TRIP12: variants seen among roughly 807,000 people sequenced by gnomAD.
The protein encoded by TRIP12 is thyroid hormone receptor interactor 12.
Under a neutral mutation model 244.2 loss-of-function variants are expected in TRIP12, and 25 were observed. The observed-to-expected ratio is 0.10, with a 90% confidence interval of 0.07 to 0.14. The LOEUF (loss-of-function observed/expected upper bound fraction) is 0.14. Ranked by LOEUF, TRIP12 falls within the 10% of genes least tolerant of loss-of-function variation. The pLI is 1.00. For missense variants in TRIP12, 1,677 were observed against 2,486.4 expected, an observed-to-expected ratio of 0.67 and a Z score of 6.92; for synonymous variants, 905 against 873.1, an observed-to-expected ratio of 1.04 and a Z score of -0.64.
chr2:229,846,101 G>A (rs913128255), intron 4 of TRIP12, among the ~76,000 whole-genome samples: 2 of 151,248 alleles, frequency 1.3e-5, no homozygotes, highest in Non-Finnish European at 2.9e-5. Context: ...AGACATCACT[G>A]AAATGACAAG....
intron 2 of TRIP12, among the ~76,000 whole-genome samples, chr2:229,865,621 A>G (rs567305316): frequency 8.5e-5 from 13 of 152,144 alleles, no homozygotes; most frequent in Non-Finnish European, 1.8e-4. Context: ...TTGTTTGTGT[A>G]TATGTGTATA....
In TRIP12 at chr2:229,767,185, A is replaced by G. The variant is rs1449497269; in HGVS notation, c.*369T>C. The G allele has an allele frequency of 1.1e-5, 2 of 174,442 alleles. No individual in the cohort carries two copies. Among genetic ancestry groups the G allele is most frequent in the Non-Finnish European group, 2.4e-5 (2 of 83,126 alleles). The allele number at this position is 174,442 out of a possible 1,614,324, so 10.8% of individuals were successfully genotyped here. ...TTGGAGGAAAGAAAACTGCAGACTT[A>G]GCTAGATGGATACACACAGCCCAGA... On this transcript the variant is annotated 3_prime_UTR_variant, in exon 42 of 42. Coordinates refer to ENST00000675903, the MANE Select transcript of TRIP12 (RefSeq NM_001348323.3).
chr2:229,908,112 T>C (rs974223388), intron 1 of TRIP12, among the ~76,000 whole-genome samples: 1 of 152,186 alleles, frequency 6.6e-6, no homozygotes, highest in Admixed American at 6.5e-5. Context: ...TGTGCTAAGC[T>C]ATATAAAGTA....
At chr2:229,814,704 G>T (rs911891539) in intron 11 of TRIP12, among the ~76,000 whole-genome samples, 1 of 151,984 alleles carries the variant, frequency 6.6e-6, no homozygotes, top group African/African-American at 2.4e-5. Context: ...CAAACAAAAA[G>T]GTCCGTAAGA....
chr2:229,805,599 C>T (rs192763023), intron 18 of TRIP12, 131 bp downstream of exon 18: 28 of 961,556 alleles, frequency 2.9e-5, no homozygotes, highest in Non-Finnish European at 3.8e-5. Flanking sequence ...TTTAAAAAAT[C>T]GAAAACCAAA....
At chr2:229,852,503 G>A (rs2058905217) in intron 4 of TRIP12, among the ~76,000 whole-genome samples, 1 of 151,862 alleles carries the variant, frequency 6.6e-6, no homozygotes, top group Admixed American at 6.6e-5. Context: ...TACCCTACTG[G>A]TTTTATATTT....
At position 229,779,036 on chromosome 2, in the gene TRIP12, G is replaced by A. The variant is rs59604698; in HGVS notation, c.5095-46C>T. 1.5e-3 allele frequency: 2,218 copies of A among 1,510,578 alleles called. 28 individuals carry two copies. In the African/African-American group the frequency reaches 0.027, roughly 18 times the overall value. The allele number at this position is 1,510,578 out of a possible 1,614,324, so 93.6% of individuals were successfully genotyped here. On this transcript the variant is annotated intron_variant, in intron 34 of 41. Transcript: ENST00000675903. ...AACGATTTCAAATTTTAAGAATTGT[G>A]TTTTTTTACTGCCAACCTCTTGGAA...
chr2:229,905,111 C>T (rs1230611402), intron 1 of TRIP12, among the ~76,000 whole-genome samples: 1 of 152,100 alleles, frequency 6.6e-6, no homozygotes, highest in Non-Finnish European at 1.5e-5. Flanking sequence ...CCCGTCTCTA[C>T]TAAAAATACA....
chr2:229,802,871 A>G (rs927038760), intron 20 of TRIP12, among the ~76,000 whole-genome samples: 7 of 152,072 alleles, frequency 4.6e-5, no homozygotes, highest in African/African-American at 1.7e-4. Context: ...AAAAGACAAG[A>G]TCACATTAAC....
Position 229,805,746 on chromosome 2 carries a change from T to A in TRIP12, c.2634A>T (p.Leu878Phe). Residue 878 changes from leucine to phenylalanine, a missense_variant, in exon 18 of 42, where the codon TTA becomes TTT. Physicochemically the swap from Leu to Phe is conservative, Grantham distance 22 (BLOSUM62 0). Transcript: ENST00000675903. ...TGTACTTACTAGTGTTACTATTGGCTAACGGGTTAGGTTTTCTCTGAATGG... is the reference window on the plus strand; with the variant it reads ...TGTACTTACTAGTGTTACTATTGGCAAACGGGTTAGGTTTTCTCTGAATGG... ...ARAIQRKPNP[L>F]ANSNTSGYSE... The A allele has an allele frequency of 6.3e-7, 1 of 1,598,304 alleles. No individual in the cohort carries two copies. The highest frequency in any genetic ancestry group is 8.6e-7 in the Non-Finnish European group (1 of 1,167,602).
At chr2:229,830,724 T>C in intron 7 of TRIP12, 32 bp downstream of exon 7, 1 of 1,578,768 alleles carries the variant, frequency 6.3e-7, no homozygotes, top group Non-Finnish European at 8.7e-7. Flanking sequence ...CTCATGGTAA[T>C]GGTTTCTTAT....
upstream of TRIP12, chr2:229,922,251 T>C (rs1303715986): frequency 4.1e-6 from 2 of 486,816 alleles, no homozygotes; most frequent in Non-Finnish European, 7.5e-6. Context: ...GGAGATCTAC[T>C]TGGTATCCCT....
chr2:229,894,004 A>G lies in TRIP12; in HGVS notation c.-49-13876T>C, dbSNP rs115108558. Among the ~76,000 whole-genome samples the G allele has an allele frequency of 6.0e-3, 916 of 152,176 alleles. 7 individuals are homozygous for G. Among genetic ancestry groups the G allele is most frequent in the African/African-American group, 0.021 (861 of 41,524 alleles). ...TTGGCCATCTCTGCTAAAAATACAAAAAGTGGCCAGATTGGTGCTGCATAA... is the reference window on the plus strand; with the variant it reads ...TTGGCCATCTCTGCTAAAAATACAAGAAGTGGCCAGATTGGTGCTGCATAA... On this transcript the variant is annotated intron_variant, in intron 1 of 41. Transcript: ENST00000675903.
rs114516343 is a variant in TRIP12, at chr2:229,919,013, A to C, written c.-50+2867T>G. ...CAAGGTCACAAAGCTACTAACTGGT[A>C]GTGTGTGAATTTCCAAGCCAGTGAT... On this transcript the variant is annotated intron_variant, in intron 1 of 41. Transcript: ENST00000675903. Among the ~76,000 whole-genome samples, 915 of 152,364 alleles carry C rather than the reference A, an allele frequency of 6.0e-3. 7 individuals are homozygous for C. The highest frequency in any genetic ancestry group is 0.021 in the African/African-American group (859 of 41,588).
At chr2:229,860,149 T>C (rs2060221210) in intron 3 of TRIP12, among the ~76,000 whole-genome samples, 1 of 151,768 alleles carries the variant, frequency 6.6e-6, no homozygotes, top group Non-Finnish European at 1.5e-5. Flanking sequence ...AAAATGGCCA[T>C]AATGGTTTGT....
At chr2:229,889,827 G>C (rs2154360938) in intron 1 of TRIP12, among the ~76,000 whole-genome samples, 1 of 152,264 alleles carries the variant, frequency 6.6e-6, no homozygotes, top group Non-Finnish European at 1.5e-5. Flanking sequence ...AGAATGATTT[G>C]TAAATGCTTC....
intron 1 of TRIP12, among the ~76,000 whole-genome samples, chr2:229,905,049 C>T (rs921745743): frequency 6.6e-6 from 1 of 152,102 alleles, no homozygotes; most frequent in African/African-American, 2.4e-5. Flanking sequence ...CTGAGGCAGG[C>T]GGATCACCTG....
intron 1 of TRIP12, among the ~76,000 whole-genome samples, chr2:229,915,047 G>C (rs1168251335): frequency 6.6e-6 from 1 of 152,174 alleles, no homozygotes; most frequent in Non-Finnish European, 1.5e-5. Flanking sequence ...GAGGTCAGGA[G>C]TTCAAGACCA....
chr2:229,814,954 C>T, intron 11 of TRIP12, 145 bp downstream of exon 11: 1 of 611,898 alleles, frequency 1.6e-6, no homozygotes, highest in South Asian at 2.4e-5. Context: ...TTTATCTTCA[C>T]CTTCAAACTA....
Sources: allele counts gnomAD v4.1 joint callset (sites outside exome capture counted in the v4.1 genomes callset), GRCh38; gene constraint gnomAD v4.1.1; transcripts MANE v1.5; gene names NCBI Gene and HGNC (gene_info 2026-07-23, HGNC 2026-07-21).